Variants in TNS3 observed in about 807,000 individuals in gnomAD.
TNS3 encodes tensin-3.
A neutral mutation model predicts 140.9 loss-of-function variants in TNS3; 45 were observed. That is an observed-to-expected ratio of 0.32 (90% CI 0.25 to 0.41). The LOEUF (loss-of-function observed/expected upper bound fraction) is 0.41. TNS3 is among the 10% of genes least tolerant of loss of function. The pLI is 1.00. For missense variants in TNS3, 1,716 were observed against 1,906.7 expected (o/e 0.90, Z 1.86); for synonymous variants, 815 against 788.4 (o/e 1.03, Z -0.56).
At chr7:47,526,487 C>A (rs1054362601) in intron 2 of TNS3, among the ~76,000 whole-genome samples, 1 of 152,242 alleles carries the variant, frequency 6.6e-6, no homozygotes, top group African/African-American at 2.4e-5. Flanking sequence ...TTAAGCCTGA[C>A]TTCTGCCCTT....
At chr7:47,484,773 T>G (rs1797550669) in intron 3 of TNS3, among the ~76,000 whole-genome samples, 1 of 152,174 alleles carries the variant, frequency 6.6e-6, no homozygotes, top group Non-Finnish European at 1.5e-5. Context: ...CACACCTGCT[T>G]GCTCTCCTCA....
intron 1 of TNS3, among the ~76,000 whole-genome samples, chr7:47,566,703 C>T (rs1335198870): frequency 6.6e-6 from 1 of 152,196 alleles, no homozygotes; most frequent in Non-Finnish European, 1.5e-5. Context: ...CGGGTCTCAA[C>T]CAAGTGATCT....
At chr7:47,347,106 T>C (rs1264648583) in intron 17 of TNS3, among the ~76,000 whole-genome samples, 1 of 152,222 alleles carries the variant, frequency 6.6e-6, no homozygotes, top group African/African-American at 2.4e-5. Context: ...AATGTTTCTA[T>C]TGATGACATA....
At chr7:47,431,393 G>GACC (rs1794922205) in intron 8 of TNS3, among the ~76,000 whole-genome samples, 2 of 152,148 alleles carry the variant, frequency 1.3e-5, no homozygotes, top group African/African-American at 4.8e-5. Flanking sequence ...AGGAGATCAA[G>GACC]ACCTTCCTGG....
At position 47,481,803 on chromosome 7, in the gene TNS3, C is replaced by T. The variant is rs111466056; in HGVS notation, c.-114-662G>A. The T allele has an allele frequency of 4.7e-4, 286 of 613,850 alleles. 2 individuals carry two copies. In the African/African-American group the frequency reaches 5.2e-3, roughly 11 times the overall value. 38.0% of individuals were successfully genotyped at this position (613,850 alleles called of 1,614,324 possible). A position where few individuals can be genotyped will look rare whatever the true frequency, so the allele number is the denominator to read the frequency against. On this transcript the variant is annotated intron_variant, in intron 3 of 30. Transcript: ENST00000311160. Reference sequence around the variant, plus strand: ...CAGGAGAGGCAGTTAGTAACAGGCACAGGGAGCCACCAGTCCTGCAGGGCA... The same window carrying T: ...CAGGAGAGGCAGTTAGTAACAGGCATAGGGAGCCACCAGTCCTGCAGGGCA...
Position 47,369,344 on chromosome 7 carries a change from C to T in TNS3, c.1302G>A (p.Leu434=), listed in dbSNP as rs1458485741. ...ELDQLLSGFG[L]EDPGSSLKEM... ...CCTTGAGGGAGCTTCCAGGATCTTC[C>T]AGGCCAAAGCCACTGAGCAGCTGGT... Residue 434 remains leucine (L), a synonymous_variant, in exon 17 of 31, where the codon CTG becomes CTA. Coordinates refer to ENST00000311160, the MANE Select transcript of TNS3 (RefSeq NM_022748.12). The T allele has an allele frequency of 1.2e-6, 2 of 1,614,076 alleles. No homozygotes were observed. The highest frequency in any genetic ancestry group is 2.7e-5 in the African/African-American group (2 of 74,936).
chr7:47,336,783 A>G (rs1788655445), intron 20 of TNS3, among the ~76,000 whole-genome samples: 1 of 152,230 alleles, frequency 6.6e-6, no homozygotes, highest in African/African-American at 2.4e-5. Flanking sequence ...ATTATAAACT[A>G]AGTGCCCAAA....
rs567102036 is a variant in TNS3 at position 47,457,078 on chromosome 7, C to T, written c.-75-15023G>A. On this transcript the variant is annotated intron_variant, in intron 4 of 30. Transcript: ENST00000311160. ...TATTCAGTGTGGGCTCAATTCTTCCCATATCATTATCCCTGGAGGTGTGCT... is the reference window on the plus strand; with the variant it reads ...TATTCAGTGTGGGCTCAATTCTTCCTATATCATTATCCCTGGAGGTGTGCT... Among the ~76,000 whole-genome samples, 300 of 141,598 alleles carry T rather than the reference C, an allele frequency of 2.1e-3. 2 individuals carry two copies. The highest frequency in any genetic ancestry group is 7.7e-3 in the African/African-American group (290 of 37,892). The allele number at this position is 141,598 out of a possible 152,430, so 92.9% of individuals were successfully genotyped here.
chr7:47,436,917 C>T (rs997299008), intron 7 of TNS3, among the ~76,000 whole-genome samples: 5 of 151,940 alleles, frequency 3.3e-5, no homozygotes, highest in African/African-American at 9.7e-5. Context: ...CACACGATGC[C>T]GAGAAACACA....
At chr7:47,553,050 A>C (rs1800103802) in intron 1 of TNS3, among the ~76,000 whole-genome samples, 1 of 152,244 alleles carries the variant, frequency 6.6e-6, no homozygotes, top group Non-Finnish European at 1.5e-5. Flanking sequence ...AGCCTAATCC[A>C]GAGCAAGGCC....
At chr7:47,473,769 T>A (rs983740000) in intron 4 of TNS3, among the ~76,000 whole-genome samples, 1 of 152,220 alleles carries the variant, frequency 6.6e-6, no homozygotes, top group African/African-American at 2.4e-5. Flanking sequence ...GATCACTGGA[T>A]GCTCAGCTCA....
chr7:47,367,654 T>A (rs2471001), intron 17 of TNS3, among the ~76,000 whole-genome samples: 101,233 of 151,982 alleles, frequency 0.67, 36,115 homozygotes, highest in Non-Finnish European at 0.82. Flanking sequence ...CCGCACCGGG[T>A]CCCATGGCTT....
chr7:47,539,366 C>T (rs1237097893), intron 1 of TNS3: 4 of 338,006 alleles, frequency 1.2e-5, no homozygotes, highest in Non-Finnish European at 1.8e-5. Flanking sequence ...AAATATCGTG[C>T]GTGTGATAAA....
intron 16 of TNS3, among the ~76,000 whole-genome samples, chr7:47,389,010 AAGAAG>A (rs1792264234): frequency 5.4e-4 from 1 of 1,864 alleles, no homozygotes; most frequent in African/African-American, 7.6e-4. Context: ...AAGGAAGAAG[AAGAAG>A]AAGAAGAAGA....
At chr7:47,421,808 G>A (rs933558718) in intron 10 of TNS3, among the ~76,000 whole-genome samples, 42 of 152,156 alleles carry the variant, frequency 2.8e-4, no homozygotes, top group Admixed American at 2.4e-3. Context: ...GCTCCATGGC[G>A]TTTCAGTGTA....
intron 20 of TNS3, among the ~76,000 whole-genome samples, chr7:47,335,573 C>A (rs1405372434): frequency 6.6e-6 from 1 of 152,244 alleles, no homozygotes; most frequent in African/African-American, 2.4e-5. Context: ...GGCTCAGCCA[C>A]CCAGGGCCAG....
chr7:47,403,786 C>A (rs1247163858), intron 13 of TNS3, among the ~76,000 whole-genome samples: 1 of 152,168 alleles, frequency 6.6e-6, no homozygotes, highest in African/African-American at 2.4e-5. Flanking sequence ...AGGAGCCCTC[C>A]ATAGTGTGCA....
chr7:47,428,633 T>C (rs1704968), intron 8 of TNS3, among the ~76,000 whole-genome samples: 61,666 of 152,072 alleles, frequency 0.41, 12,662 homozygotes, highest in Non-Finnish European at 0.42. Context: ...CCAGGAGGGC[T>C]GACCAACACA....
At chr7:47,460,212 C>CAAAAAA (rs10526565) in intron 4 of TNS3, among the ~76,000 whole-genome samples, 2 of 115,046 alleles carry the variant, frequency 1.7e-5, no homozygotes, top group African/African-American at 3.7e-5. Flanking sequence ...GACTCTGTCC[C>CAAAAAA]AAAAAAAAAA....
Sources: allele counts gnomAD v4.1 joint callset (sites outside exome capture counted in the v4.1 genomes callset), GRCh38; gene constraint gnomAD v4.1.1; transcripts MANE v1.5; gene names NCBI Gene and HGNC (gene_info 2026-07-23, HGNC 2026-07-21).